ANKRD36: variants seen among roughly 807,000 people sequenced by gnomAD.
ANKRD36 encodes the protein ankyrin repeat domain-containing protein 36A.
A neutral mutation model predicts 278.1 loss-of-function variants in ANKRD36; 179 were observed. That is an observed-to-expected ratio of 0.64 (90% CI 0.57 to 0.73). The LOEUF (loss-of-function observed/expected upper bound fraction) is 0.73. Ranked by LOEUF, ANKRD36 falls within the 30% of genes least tolerant of loss-of-function variation. The probability of loss-of-function intolerance (pLI) is 0.00; values close to 1 mark genes in which losing one functional copy is unlikely to be tolerated. For missense variants in ANKRD36, 1,159 were observed against 1,956.7 expected, an observed-to-expected ratio of 0.59 and a Z score of 7.69; for synonymous variants, 320 against 641.1, an observed-to-expected ratio of 0.50 and a Z score of 7.57.
At chr2:97,260,379 TACACAC>T (rs1553500928) in intron 75 of ANKRD36, among the ~76,000 whole-genome samples, 5 of 121,208 alleles carry the variant, frequency 4.1e-5, no homozygotes, top group African/African-American at 1.3e-4. Context: ...TATATATATA[TACACAC>T]ATATATACAT....
At chr2:97,179,486 G>A (rs1559505916) in intron 22 of ANKRD36, among the ~76,000 whole-genome samples, 2 of 151,520 alleles carry the variant, frequency 1.3e-5, no homozygotes, top group Admixed American at 6.6e-5. Flanking sequence ...TTTTATTTTA[G>A]TTTTAGACAT....
chr2:97,126,860 C>G (rs1205804786), intron 5 of ANKRD36, among the ~76,000 whole-genome samples: 2 of 150,654 alleles, frequency 1.3e-5, no homozygotes, highest in Non-Finnish European at 3.0e-5. Context: ...GTTTGCTGAG[C>G]TATACTGCCT....
intron 46 of ANKRD36, 133 bp from the exon 47 acceptor site, chr2:97,202,069 C>G (rs1264770888): frequency 4.3e-4 from 658 of 1,531,722 alleles, no homozygotes; most frequent in Middle Eastern, 1.4e-3. Flanking sequence ...AGTCCCCAGA[C>G]ACAAAGTAGA....
At chr2:97,183,434 A>G in intron 26 of ANKRD36, 25 bp from the exon 27 acceptor site, 1 of 1,545,710 alleles carries the variant, frequency 6.5e-7, no homozygotes, top group Non-Finnish European at 8.8e-7. Context: ...CATATGATGG[A>G]TTATATATTT....
intron 6 of ANKRD36, among the ~76,000 whole-genome samples, chr2:97,136,415 C>T (rs2041520569): frequency 6.6e-6 from 1 of 151,636 alleles, no homozygotes. Context: ...CTCTGAGCCA[C>T]TCTAGTAAAT....
chr2:97,195,386 G>A (rs1296919347), intron 40 of ANKRD36, among the ~76,000 whole-genome samples: 1 of 151,988 alleles, frequency 6.6e-6, no homozygotes, highest in African/African-American at 2.4e-5. Flanking sequence ...TGTGAGGCAG[G>A]AATGTGGGAA....
intron 67 of ANKRD36, among the ~76,000 whole-genome samples, 166 bp from the exon 68 acceptor site, chr2:97,233,564 C>T (rs534777120): frequency 1.7e-3 from 252 of 152,104 alleles, no homozygotes; most frequent in African/African-American, 6.0e-3. Context: ...ACCATGTGGT[C>T]TTCTGAACTA....
chr2:97,194,025 T>G (rs926583176), intron 38 of ANKRD36, among the ~76,000 whole-genome samples: 1 of 151,644 alleles, frequency 6.6e-6, no homozygotes, highest in Non-Finnish European at 1.5e-5. Context: ...AAATGATAAT[T>G]GATGATATTT....
intron 1 of ANKRD36, among the ~76,000 whole-genome samples, chr2:97,117,080 GA>G (rs2035613427): frequency 6.8e-6 from 1 of 147,320 alleles, no homozygotes; most frequent in Non-Finnish European, 1.5e-5. Context: ...AAGCAATTCT[GA>G]AGTTAGAAAA....
chr2:97,228,119 C>T (rs1400742251), intron 67 of ANKRD36, among the ~76,000 whole-genome samples: 11 of 152,118 alleles, frequency 7.2e-5, no homozygotes, highest in South Asian at 4.2e-4. Context: ...TGTCTCTGCC[C>T]GGCTTTGGTA....
intron 67 of ANKRD36, among the ~76,000 whole-genome samples, chr2:97,227,642 A>G (rs2153665822): frequency 1.3e-5 from 2 of 152,222 alleles, no homozygotes; most frequent in South Asian, 4.2e-4. Context: ...AATGGCCCTA[A>G]CCAGAACTTC....
In ANKRD36 at chr2:97,124,598, G is replaced by A. The variant is rs1256785872; in HGVS notation, c.731+1G>A. 11 of 1,547,614 alleles carry A rather than the reference G, an allele frequency of 7.1e-6. No individual in the cohort carries two copies. The Admixed American group carries it at 2.0e-4, about 29-fold the overall frequency. On this transcript the variant is annotated splice_donor_variant, in intron 5 of 75. Transcript: ENST00000420699. LOFTEE classifies it high-confidence loss of function. Reference sequence around the variant, plus strand: ...ATGCCATTGAGGCTAAGAATAGAGTGTAAGTCTTTACATAAAAAGGCTAGT... The same window carrying A: ...ATGCCATTGAGGCTAAGAATAGAGTATAAGTCTTTACATAAAAAGGCTAGT...
chr2:97,226,330 G>A (rs2069604298), intron 67 of ANKRD36, among the ~76,000 whole-genome samples: 1 of 152,026 alleles, frequency 6.6e-6, no homozygotes, highest in Admixed American at 6.6e-5. Flanking sequence ...ACTGGTGTGA[G>A]ATGGTATCTC....
In ANKRD36 at chr2:97,154,727, G is replaced by A. The variant is rs559592187; in HGVS notation, c.1246G>A (p.Ala416Thr). Residue 416 changes from alanine (A) to threonine (T), a missense_variant, in exon 15 of 76, where the codon GCT (alanine) becomes ACT (threonine). Transcript: ENST00000420699. ...ACAGCCTGTGACAAAGGATAAGTTTGCTTTGGAATCTGAGGTAGAGTACTC... is the reference window on the plus strand; with the variant it reads ...ACAGCCTGTGACAAAGGATAAGTTTACTTTGGAATCTGAGGTAGAGTACTC... Reference protein sequence around the residue: ...FAQPVTKDKFALESENISEPY... With the variant: ...FAQPVTKDKFTLESENISEPY... 2 of 1,487,778 alleles carry A rather than the reference G, an allele frequency of 1.3e-6. No homozygotes were observed. The highest frequency in any genetic ancestry group is 1.2e-5 in the South Asian group (1 of 83,444). The allele number at this position is 1,487,778 out of a possible 1,614,324, so 92.2% of individuals were successfully genotyped here. A position where few individuals can be genotyped will look rare whatever the true frequency, so the allele number is the denominator to read the frequency against.
chr2:97,227,201 A>G lies in ANKRD36; in HGVS notation c.3951+2322A>G, dbSNP rs1487227874. ...GCTTGATGGTGATGGCATTGAATCTATAAATTACCTTGGGCAGTATGGCCA... is the reference window on the plus strand; with the variant it reads ...GCTTGATGGTGATGGCATTGAATCTGTAAATTACCTTGGGCAGTATGGCCA... On this transcript the variant is annotated intron_variant, in intron 67 of 75. Transcript: ENST00000420699. Among the ~76,000 whole-genome samples, 10 of 152,220 alleles carry G rather than the reference A, an allele frequency of 6.6e-5. No homozygotes were observed. In the South Asian group the frequency reaches 8.4e-4, roughly 13 times the overall value.
rs539326090 is a variant in ANKRD36, at chr2:97,202,955, A to G, written c.2959+562A>G. On this transcript the variant is annotated intron_variant, in intron 48 of 75. Coordinates refer to ENST00000420699, the MANE Select transcript of ANKRD36 (RefSeq NM_001354587.1). ...ACTTCAGATGCATTTGGAATATTTT[A>G]ATAAAAAATACTTGATTTTGGCTGC... Among the ~76,000 whole-genome samples the G allele has an allele frequency of 4.6e-5, 7 of 151,862 alleles. No homozygotes were observed. The South Asian group carries it at 1.0e-3, about 23-fold the overall frequency.
At chr2:97,215,068 TA>T (rs1417124632) in intron 60 of ANKRD36, among the ~76,000 whole-genome samples, 1 of 148,202 alleles carries the variant, frequency 6.7e-6, no homozygotes, top group Admixed American at 6.8e-5. Context: ...GTTTTAGTCA[TA>T]TGACAAATCA....
rs1278236000 is a variant in ANKRD36 at position 97,190,247 on chromosome 2, A to C, written c.2246-731A>C. Among the ~76,000 whole-genome samples, 15 of 95,482 alleles carry C rather than the reference A, an allele frequency of 1.6e-4. 4 individuals carry two copies. The allele number at this position is 95,482 out of a possible 152,430, so 62.6% of individuals were successfully genotyped here. A position where few individuals can be genotyped will look rare whatever the true frequency, so the allele number is the denominator to read the frequency against. ...AATATCTAATGCTTGTAGCAGTTTT[A>C]CTTTGTAGAAGTATGTCAAAATTGA... On this transcript the variant is annotated intron_variant, in intron 34 of 75. Transcript: ENST00000420699.
At position 97,113,241 on chromosome 2, in the gene ANKRD36, A is replaced by G. The variant is rs1305102144; in HGVS notation, c.-499A>G. 6.6e-6 allele frequency among the ~76,000 whole-genome samples: 1 copy of G among 151,988 alleles called. No individual in the cohort carries two copies. Among genetic ancestry groups the G allele is most frequent in the Non-Finnish European group, 1.5e-5 (1 of 67,978 alleles). ...GATCCCGTCCTCCCGCCTCGCACCC[A>G]TCAGCGCGGACCCCGGGGGCGACGC... On this transcript the variant is annotated 5_prime_UTR_variant, in exon 1 of 76. Coordinates refer to ENST00000420699, the MANE Select transcript of ANKRD36 (RefSeq NM_001354587.1).
Sources: allele counts gnomAD v4.1 joint callset (sites outside exome capture counted in the v4.1 genomes callset), GRCh38; gene constraint gnomAD v4.1.1; transcripts MANE v1.5; gene names NCBI Gene and HGNC (gene_info 2026-07-23, HGNC 2026-07-21).